Variants in PLAC1 observed in about 807,000 individuals in gnomAD.
PLAC1 encodes the protein placenta associated 1.
For synonymous variants in PLAC1, 68 were observed against 62.1 expected (o/e 1.09, Z -0.44); for missense variants, 136 against 163.2 (o/e 0.83, Z 0.91).
At chrX:134,705,606 G>A (rs1469339207) in intron 2 of PLAC1, among the ~76,000 whole-genome samples, 1 of 111,048 alleles carries the variant, frequency 9.0e-6, no homozygotes, top group Admixed American at 9.7e-5. Flanking sequence ...TTAGCAAAGA[G>A]CTAGGAGCGT....
chrX:134,749,018 A>G (rs2078735359), intron 1 of PLAC1, among the ~76,000 whole-genome samples: 2 of 112,131 alleles, frequency 1.8e-5, no homozygotes, highest in Non-Finnish European at 3.8e-5. Context: ...GTTAGGCTGC[A>G]ATGAAAACAA....
At chrX:134,570,329 T>C (rs1325351387) in intron 2 of PLAC1, among the ~76,000 whole-genome samples, 1 of 111,253 alleles carries the variant, frequency 9.0e-6, no homozygotes, top group African/African-American at 3.3e-5. Context: ...AAGAGAGGGC[T>C]GTGTGGGGGT....
chrX:134,666,395 G>GC lies in PLAC1; in HGVS notation n.175-64274dup, dbSNP rs78858041. Among the ~76,000 whole-genome samples the GC allele has an allele frequency of 2.7e-5, 3 of 110,699 alleles. No individual in the cohort carries two copies. In the East Asian group the frequency reaches 8.5e-4, roughly 32 times the overall value. Reference sequence around the variant, plus strand: ...CCCAAAGTGTGAAGCTGTGTGACCGGCAAAGAAGATGCAAGCAAGAGCATT... The same window carrying GC: ...CCCAAAGTGTGAAGCTGTGTGACCGGCCAAAGAAGATGCAAGCAAGAGCATT... On this transcript the variant is annotated intron_variant and non_coding_transcript_variant, in intron 2 of 2. Transcript: ENST00000466797.
intron 2 of PLAC1, among the ~76,000 whole-genome samples, chrX:134,727,941 G>T (rs1160192188): frequency 2.7e-5 from 3 of 111,656 alleles, no homozygotes; most frequent in African/African-American, 9.8e-5. Context: ...AATATAAATA[G>T]AAATTATTTT....
At position 134,704,949 on chromosome X, in the gene PLAC1, T is replaced by C. The variant is rs1240955805; in HGVS notation, n.174+28486A>G. ...CAGAGGTTGCAGTGAGCTGAGATCA[T>C]GCCACTGCACTCCAGCCTGGGCAAC... On this transcript the variant is annotated intron_variant and non_coding_transcript_variant, in intron 2 of 2. Coordinates refer to the PLAC1 transcript ENST00000466797. 5.2e-5 allele frequency among the ~76,000 whole-genome samples: 5 copies of C among 96,018 alleles called. No individual in the cohort carries two copies. The East Asian group carries it at 1.6e-3, about 31-fold the overall frequency. The allele number at this position is 96,018 out of a possible 115,157, so 83.4% of individuals were successfully genotyped here.
chrX:134,665,720 GC>G (rs1345995216), intron 2 of PLAC1, among the ~76,000 whole-genome samples: 1 of 111,372 alleles, frequency 9.0e-6, no homozygotes. Flanking sequence ...AGGTGGGAGT[GC>G]AAGAGGTTTA....
At chrX:134,614,946 C>T (rs114378508) in intron 1 of PLAC1, among the ~76,000 whole-genome samples, 29 of 111,543 alleles carry the variant, frequency 2.6e-4, no homozygotes, top group Admixed American at 2.0e-3. Context: ...CCACTGTGCC[C>T]GGCCACCACA....
At chrX:134,603,495 G>A (rs895022956) in intron 1 of PLAC1, among the ~76,000 whole-genome samples, 3 of 100,147 alleles carry the variant, frequency 3.0e-5, no homozygotes, top group Admixed American at 2.2e-4. Flanking sequence ...CCGCCACCAC[G>A]CCTGGGTATT....
chrX:134,674,026 C>T (rs1455086269), intron 2 of PLAC1, among the ~76,000 whole-genome samples: 1 of 112,725 alleles, frequency 8.9e-6, no homozygotes, highest in African/African-American at 3.2e-5. Flanking sequence ...TGAAGCTACA[C>T]ATCTGTTGGG....
intron 1 of PLAC1, among the ~76,000 whole-genome samples, chrX:134,656,288 C>A (rs1020053871): frequency 8.9e-6 from 1 of 112,090 alleles, no homozygotes; most frequent in Non-Finnish European, 1.9e-5. Flanking sequence ...TGCTGAGTGG[C>A]CTTAGAGAAG....
chrX:134,617,281 G>C (rs912488980), intron 1 of PLAC1, among the ~76,000 whole-genome samples: 3 of 111,993 alleles, frequency 2.7e-5, no homozygotes, highest in Non-Finnish European at 3.8e-5. Context: ...GAGCCACCAT[G>C]CCTGGCCTAC....
intron 1 of PLAC1, among the ~76,000 whole-genome samples, chrX:134,735,346 T>C (rs2078700002): frequency 9.0e-6 from 1 of 110,884 alleles, no homozygotes; most frequent in African/African-American, 3.3e-5. Context: ...CTGCAGTATA[T>C]GCAATAACCA....
In PLAC1 at chrX:134,566,625, C is replaced by A; in HGVS notation, c.58G>T (p.Gly20Cys). 1.7e-6 allele frequency: 2 copies of A among 1,207,455 alleles called. No homozygotes were observed. The highest frequency in any genetic ancestry group is 2.2e-6 in the Non-Finnish European group (2 of 892,252). ...MILLTSAFSA[G>C]SGQSPMTVLC... ...ACAGTCATTGGACTTTGTCCTGAAC[C>A]GGCTGAAAACGCAGAGGTGAGGAGG... The change falls in exon 3 of 3, where the codon GGT (glycine) becomes TGT (cysteine). Residue 20 changes from glycine to cysteine, a missense_variant. Physicochemically the swap from Gly to Cys is radical, Grantham distance 159. Transcript: ENST00000359237.
chrX:134,637,862 T>C (rs1460483098), intron 1 of PLAC1, among the ~76,000 whole-genome samples: 1 of 110,449 alleles, frequency 9.1e-6, no homozygotes, highest in East Asian at 2.9e-4. Context: ...GAAAAAAAAA[T>C]TGGGGGGATT....
chrX:134,592,940 G>A (rs959183245), intron 2 of PLAC1, among the ~76,000 whole-genome samples: 3 of 109,141 alleles, frequency 2.7e-5, no homozygotes, highest in African/African-American at 1.0e-4. Flanking sequence ...TGTTAGCCAG[G>A]ATGGTCTCGA....
At chrX:134,669,083 C>T (rs1231934024) in intron 2 of PLAC1, among the ~76,000 whole-genome samples, 1 of 112,148 alleles carries the variant, frequency 8.9e-6, no homozygotes, top group Admixed American at 9.4e-5. Flanking sequence ...AATACCCATC[C>T]ACAAGGGCAG....
At chrX:134,755,856 CTTTTTTTT>C (rs776901556) in intron 1 of PLAC1, among the ~76,000 whole-genome samples, 193 of 45,532 alleles carry the variant, frequency 4.2e-3, no homozygotes, top group African/African-American at 0.019. Context: ...CCTTTTCTTT[CTTTTTTTT>C]TTTTTTTTTT....
chrX:134,634,162 G>A (rs1000845835), intron 1 of PLAC1, among the ~76,000 whole-genome samples: 4 of 111,951 alleles, frequency 3.6e-5, no homozygotes, highest in Non-Finnish European at 7.5e-5. Context: ...AAAGGCTTAT[G>A]GGTATTAACA....
intron 1 of PLAC1, among the ~76,000 whole-genome samples, chrX:134,762,621 AG>A: frequency 9.1e-6 from 1 of 109,995 alleles, no homozygotes; most frequent in South Asian, 3.9e-4. Context: ...CGAGGTCAGG[AG>A]TTCAAGAGCA....
Sources: allele counts gnomAD v4.1 joint callset (sites outside exome capture counted in the v4.1 genomes callset), GRCh38; gene constraint gnomAD v4.1.1; transcripts MANE v1.5; gene names NCBI Gene and HGNC (gene_info 2026-07-23, HGNC 2026-07-21).